Variants in ASPG observed in about 807,000 individuals in gnomAD.
ASPG encodes the protein asparaginase.
In ASPG, 53 loss-of-function variants were observed where a neutral mutation model predicts 63.2. The observed-to-expected ratio is 0.84, with a 90% CI of 0.67 to 1.05. ASPG has a LOEUF of 1.05. Ranked by LOEUF, ASPG falls within the 50% of genes least tolerant of loss-of-function variation. ASPG has a pLI of 0.00. For synonymous variants in ASPG, 370 were observed against 355.0 expected, an observed-to-expected ratio of 1.04 and a Z score of -0.48; for missense variants, 741 against 794.4, an observed-to-expected ratio of 0.93 and a Z score of 0.81.
At chr14:104,111,061 C>T (rs920798420) in intron 13 of ASPG, 56 of 985,320 alleles carry the variant, frequency 5.7e-5, no homozygotes, top group African/African-American at 1.0e-4. Context: ...GACCCCGCCC[C>T]GGGAAGAGCG....
In ASPG at chr14:104,110,413, T is replaced by G; in HGVS notation, c.1521-1089T>G. The G allele has an allele frequency of 1.0e-6, 1 of 985,320 alleles. No individual in the cohort carries two copies. The highest frequency in any genetic ancestry group is 1.2e-6 in the Non-Finnish European group (1 of 829,890). The allele number at this position is 985,320 out of a possible 1,614,324, so 61.0% of individuals were successfully genotyped here. ...CAAGATTTGCACTCCAGACAGGCCT[T>G]GCTGGCTCCATTGACAGATGGGGAA... is the stretch of plus-strand genomic sequence containing the variant. On this transcript the variant is annotated intron_variant, in intron 13 of 15. Transcript: ENST00000551177. This position sits in a 1 kb window ranked among gnomAD's most constrained non-coding sequence, Gnocchi z 4.7.
rs1167501864 is a variant in ASPG at position 104,105,385 on chromosome 14, C to A, written c.1108C>A (p.Pro370Thr). 1.9e-6 allele frequency: 3 copies of A among 1,612,418 alleles called. No homozygotes were observed. The highest frequency in any genetic ancestry group is 2.5e-6 in the Non-Finnish European group (3 of 1,179,686). Residue 370 changes from proline (P) to threonine (T), a missense_variant, in exon 10 of 16, where the codon CCC becomes ACC. Coordinates refer to ENST00000551177, the MANE Select transcript of ASPG (RefSeq NM_001080464.3). ...MTPPSVEERR[P>T]SLQGNTLGGG... ...GCCACCCTCGGTGGAAGAGCGCCGG[C>A]CCTCACTGCAGGGCAACACGCTGGG...
chr14:104,105,391 C>T lies in ASPG; in HGVS notation c.1114C>T (p.Leu372=), dbSNP rs1230841371. The T allele has an allele frequency of 6.2e-7, 1 of 1,612,438 alleles. No individual in the cohort carries two copies. The highest frequency in any genetic ancestry group is 8.5e-7 in the Non-Finnish European group (1 of 1,179,688). Residue 372 remains leucine (L), a synonymous_variant, in exon 10 of 16, where the codon CTG becomes TTG. Coordinates refer to ENST00000551177, the MANE Select transcript of ASPG (RefSeq NM_001080464.3). The stretch of plus-strand genomic sequence containing the variant: ...CTCGGTGGAAGAGCGCCGGCCCTCA[C>T]TGCAGGGCAACACGCTGGGCGGTGG... ...PPSVEERRPS[L]QGNTLGGGVS...
intron 5 of ASPG, among the ~76,000 whole-genome samples, chr14:104,098,485 C>G (rs903832109): frequency 6.6e-6 from 1 of 152,218 alleles, no homozygotes; most frequent in Non-Finnish European, 1.5e-5. Context: ...CCTCCAGCAG[C>G]TGTGCTCGCT....
intron 1 of ASPG, among the ~76,000 whole-genome samples, chr14:104,090,616 G>A (rs1290611899): frequency 2.6e-5 from 4 of 152,210 alleles, no homozygotes; most frequent in South Asian, 2.1e-4. Context: ...GCTTGTGGCC[G>A]CATCACTCCA....
In ASPG at chr14:104,110,524, C is replaced by T; in HGVS notation, c.1521-978C>T. 1.0e-5 allele frequency: 10 copies of T among 985,350 alleles called. No individual in the cohort carries two copies. Among genetic ancestry groups the T allele is most frequent in the Non-Finnish European group, 1.2e-5 (10 of 829,882 alleles). 61.0% of individuals were successfully genotyped at this position (985,350 alleles called of 1,614,324 possible). The stretch of plus-strand genomic sequence containing the variant: ...TTGGAAGTGGCCTGGCCAGCCTGAG[C>T]TGCTGGCTGGACTTGAGCCCCTCGG... On this transcript the variant is annotated intron_variant, in intron 13 of 15. Coordinates refer to ENST00000551177, the MANE Select transcript of ASPG (RefSeq NM_001080464.3). This position sits in a 1 kb window ranked among gnomAD's most constrained non-coding sequence, Gnocchi z 4.7.
rs185153554 is a variant in ASPG, at chr14:104,111,580, C to G, written c.1599C>G (p.Asp533Glu). Residue 533 changes from aspartate to glutamate, a missense_variant, in exon 14 of 16, where the codon GAC becomes GAG. Physicochemically the swap from Asp to Glu is conservative, Grantham distance 45. Coordinates refer to ENST00000551177, the MANE Select transcript of ASPG (RefSeq NM_001080464.3). The stretch of plus-strand genomic sequence containing the variant: ...CTGACCTGGGGCAGCCGGGCTATGA[C>G]GGGCACAGCGCCCTGCACGTCGTGA... ...AGADLGQPGY[D>E]GHSALHVAEA... The G allele has an allele frequency of 1.9e-6, 3 of 1,550,846 alleles. No individual in the cohort carries two copies. Among genetic ancestry groups the G allele is most frequent in the Non-Finnish European group, 1.7e-6 (2 of 1,147,172 alleles).
rs1401625632 is a variant in ASPG at position 104,085,962 on chromosome 14, T to TG, written c.82+116dup. ...TTGGGGAGTCAAATCCGCGCCTGGA[T>TG]GGGGGGTGCGGGCTGAGGTCGCTCT... On this transcript the variant is annotated intron_variant, in intron 1 of 15. Coordinates refer to ENST00000551177, the MANE Select transcript of ASPG (RefSeq NM_001080464.3). 15 of 1,029,936 alleles carry TG rather than the reference T, an allele frequency of 1.5e-5. No homozygotes were observed. The East Asian group carries it at 3.5e-4, about 24-fold the overall frequency. The allele number at this position is 1,029,936 out of a possible 1,614,324, so 63.8% of individuals were successfully genotyped here.
intron 4 of ASPG, among the ~76,000 whole-genome samples, chr14:104,096,670 C>T (rs1221705490): frequency 6.6e-6 from 1 of 152,198 alleles, no homozygotes; most frequent in Non-Finnish European, 1.5e-5. Context: ...GACCCACGAA[C>T]GTTCACATGC....
chr14:104,093,726 G>T (rs1425168968), intron 3 of ASPG, 124 bp downstream of exon 3: 8 of 728,320 alleles, frequency 1.1e-5, no homozygotes, highest in Non-Finnish European at 1.8e-5. Flanking sequence ...TGTGAGTGGG[G>T]CTAGGGAGCA....
intron 1 of ASPG, among the ~76,000 whole-genome samples, chr14:104,088,516 C>T (rs558436550): frequency 2.0e-5 from 3 of 152,296 alleles, no homozygotes; most frequent in Admixed American, 6.5e-5. Context: ...ACCCCACCTG[C>T]TTGCCGGCCT....
Position 104,109,364 on chromosome 14 carries a change from C to A in ASPG, c.1520+49C>A. On this transcript the variant is annotated intron_variant, in intron 13 of 15. Transcript: ENST00000551177. This position sits in a 1 kb window ranked among gnomAD's most constrained non-coding sequence, Gnocchi z 4.8. ...TCTTCCAGGGATGTGGGGGACACAG[C>A]TTGGGGAAGCGAAGCCAGACCTGCT... 1.3e-6 allele frequency: 2 copies of A among 1,541,928 alleles called. No homozygotes were observed. The highest frequency in any genetic ancestry group is 1.8e-6 in the Non-Finnish European group (2 of 1,140,498).
intron 4 of ASPG, 69 bp from the exon 5 acceptor site, chr14:104,097,485 A>G: frequency 1.4e-6 from 2 of 1,453,802 alleles, no homozygotes; most frequent in Non-Finnish European, 1.9e-6. Context: ...GTTTACCTGG[A>G]GAGATGAGCC....
chr14:104,095,528 C>T lies in ASPG; in HGVS notation c.304-3C>T, dbSNP rs200390895. The T allele has an allele frequency of 1.9e-6, 3 of 1,612,786 alleles. No homozygotes were observed. The highest frequency in any genetic ancestry group is 8.5e-7 in the Non-Finnish European group (1 of 1,179,712). ...CCTGCCTGAGCATGCGCCCCTCCTG[C>T]AGAGGCACTACGAGCAGTACCACGG... is the stretch of plus-strand genomic sequence containing the variant. On this transcript the variant is annotated splice_polypyrimidine_tract_variant and splice_region_variant and intron_variant, in intron 3 of 15. Coordinates refer to ENST00000551177, the MANE Select transcript of ASPG (RefSeq NM_001080464.3).
chr14:104,088,869 C>A (rs918297700), intron 1 of ASPG, among the ~76,000 whole-genome samples: 1 of 152,164 alleles, frequency 6.6e-6, no homozygotes. Context: ...AACTCAGGCA[C>A]CTGCCTGGAT....
Position 104,085,723 on chromosome 14 carries a change from G to A in ASPG, c.-48G>A, listed in dbSNP as rs769268549. On this transcript the variant is annotated 5_prime_UTR_variant, in exon 1 of 16. Transcript: ENST00000551177. ...GCAGTCCCTGAGTCCCGCAGGCCCTGCGTCCCCGCTGCACACCCCCGTCCA... is the reference window on the plus strand; with the variant it reads ...GCAGTCCCTGAGTCCCGCAGGCCCTACGTCCCCGCTGCACACCCCCGTCCA... 1.4e-6 allele frequency: 2 copies of A among 1,475,522 alleles called. No individual in the cohort carries two copies. Among genetic ancestry groups the A allele is most frequent in the Admixed American group, 4.6e-5 (2 of 43,756 alleles). 91.4% of individuals were successfully genotyped at this position (1,475,522 alleles called of 1,614,324 possible).
At chr14:104,108,800 G>T (rs2037260046) in intron 12 of ASPG, 8 of 985,428 alleles carry the variant, frequency 8.1e-6, no homozygotes, top group Non-Finnish European at 9.6e-6. Flanking sequence ...TCACCACGGG[G>T]TGTGATCAGC....
chr14:104,098,818 C>A (rs764255400), intron 5 of ASPG, 35 bp from the exon 6 acceptor site: 10 of 1,605,142 alleles, frequency 6.2e-6, no homozygotes, highest in Non-Finnish European at 8.5e-6. Context: ...GACAGGGTGG[C>A]CGCTGCTCTG....
rs547851025 is a variant in ASPG, at chr14:104,105,442, G to A, written c.1165G>A (p.Gly389Ser). ...GGVSWLLSLS[G>S]SQEADALRNA... The stretch of plus-strand genomic sequence containing the variant: ...GGTCTCCTGGCTCCTCAGTCTGAGC[G>A]GCAGCCAGGTAATGGCGTGGGACAC... The change falls in exon 10 of 16, where the codon GGC becomes AGC. Residue 389 changes from glycine (G) to serine (S), a missense_variant. Gly to Ser is a moderately conservative substitution (Grantham distance 56). Coordinates refer to ENST00000551177, the MANE Select transcript of ASPG (RefSeq NM_001080464.3). The A allele has an allele frequency of 5.5e-5, 88 of 1,596,530 alleles. No homozygotes were observed. The South Asian group carries it at 6.6e-4, about 12-fold the overall frequency.
Sources: gnomAD v4.1 joint callset for allele counts (sites outside exome capture counted in the v4.1 genomes callset) on GRCh38, gnomAD v4.1.1 for gene constraint, Gnocchi (gnomAD v3.1) non-coding constraint, MANE v1.5 for transcripts, NCBI Gene and HGNC (gene_info 2026-07-23, HGNC 2026-07-21) for gene names.